The following NRG1 variants were observed in gnomAD, a reference collection of about 807,000 sequenced individuals.
The protein encoded by NRG1 is pro-neuregulin-1, membrane-bound isoform.
In NRG1, 18 loss-of-function variants were observed where a neutral mutation model predicts 63.8. The ratio of observed to expected loss-of-function variants is 0.28; its 90% confidence interval spans 0.19 to 0.42. The LOEUF is 0.42. NRG1 is among the 10% of genes least tolerant of loss of function. The pLI is 1.00. For synonymous variants in NRG1, 302 were observed against 301.3 expected (o/e 1.00, Z -0.02); for missense variants, 762 against 814.7 (o/e 0.94, Z 0.79).
intron 1 of NRG1, among the ~76,000 whole-genome samples, chr8:32,117,617 T>TA (rs1410544985): frequency 6.6e-6 from 1 of 152,134 alleles, no homozygotes; most frequent in Non-Finnish European, 1.5e-5. Flanking sequence ...CTCAGAAAGT[T>TA]ATAGCTAGTG....
chr8:32,660,660 C>T (rs561930199), intron 5 of NRG1, among the ~76,000 whole-genome samples: 2 of 152,206 alleles, frequency 1.3e-5, no homozygotes, highest in African/African-American at 2.4e-5. Context: ...CCAGCCCTGT[C>T]TCCGGCTGTG....
intron 1 of NRG1, among the ~76,000 whole-genome samples, chr8:32,003,322 T>C (rs1813247723): frequency 2.6e-5 from 4 of 152,082 alleles, no homozygotes; most frequent in African/African-American, 9.6e-5. Context: ...AACAGCACTA[T>C]CAATCAATTT....
chr8:32,725,097 GCTT>G (rs781382946), intron 5 of NRG1, among the ~76,000 whole-genome samples: 2 of 152,042 alleles, frequency 1.3e-5, no homozygotes, highest in Non-Finnish European at 2.9e-5. Flanking sequence ...TTATGTCACT[GCTT>G]TTTTTTATTG....
At chr8:32,523,862 C>CTAAA (rs1397437702) in intron 1 of NRG1, among the ~76,000 whole-genome samples, 52 of 152,062 alleles carry the variant, frequency 3.4e-4, no homozygotes, top group East Asian at 1.7e-3. Context: ...AACTAACTAA[C>CTAAA]TAACTAAATA....
intron 1 of NRG1, among the ~76,000 whole-genome samples, chr8:31,763,469 G>C (rs1817749298): frequency 6.6e-6 from 1 of 152,132 alleles, no homozygotes; most frequent in Admixed American, 6.5e-5. Context: ...CTCCAAAGCA[G>C]GACTTCTCTG....
At chr8:31,699,721 AT>A (rs764955757) in intron 1 of NRG1, among the ~76,000 whole-genome samples, 5 of 149,074 alleles carry the variant, frequency 3.4e-5, no homozygotes, top group Admixed American at 2.0e-4. Flanking sequence ...TAAAAAAAAA[AT>A]TTTTCACCTT....
At chr8:32,613,105 A>C (rs906004026) in intron 3 of NRG1, among the ~76,000 whole-genome samples, 5 of 151,984 alleles carry the variant, frequency 3.3e-5, no homozygotes, top group Non-Finnish European at 5.9e-5. Context: ...TCCTGAGAAA[A>C]TGATGTACCC....
intron 1 of NRG1, among the ~76,000 whole-genome samples, chr8:32,284,022 G>A (rs1853207337): frequency 6.6e-6 from 1 of 152,072 alleles, no homozygotes; most frequent in African/African-American, 2.4e-5. Context: ...TGACATAAAG[G>A]TACTAGTTCT....
At chr8:32,361,044 T>A (rs56125137) in intron 1 of NRG1, among the ~76,000 whole-genome samples, 8,565 of 152,266 alleles carry the variant, frequency 0.056, 315 homozygotes, top group Middle Eastern at 0.099. Flanking sequence ...CTGTCCGAAC[T>A]TCAATCCCCT....
At chr8:31,978,958 A>G (rs180770829) in intron 1 of NRG1, among the ~76,000 whole-genome samples, 2 of 152,272 alleles carry the variant, frequency 1.3e-5, no homozygotes, top group East Asian at 1.9e-4. Flanking sequence ...TTAGTAATTA[A>G]CTGTCCTTTA....
At chr8:31,931,982 G>C (rs1834903776) in intron 1 of NRG1, among the ~76,000 whole-genome samples, 1 of 152,162 alleles carries the variant, frequency 6.6e-6, no homozygotes. Flanking sequence ...GTCAGGGAAG[G>C]CTTCAGCAAT....
At chr8:31,712,937 T>A (rs1462654561) in intron 1 of NRG1, among the ~76,000 whole-genome samples, 3 of 150,404 alleles carry the variant, frequency 2.0e-5, no homozygotes, top group Non-Finnish European at 2.9e-5. Context: ...CTATTATGAA[T>A]CAATCAATCA....
intron 1 of NRG1, among the ~76,000 whole-genome samples, chr8:32,150,800 A>G (rs769233370): frequency 7.2e-5 from 11 of 152,180 alleles, no homozygotes; most frequent in Admixed American, 6.5e-5. Context: ...AAATGTGTGT[A>G]AAGAAGTGCC....
intron 1 of NRG1, among the ~76,000 whole-genome samples, chr8:31,884,267 C>T (rs1830560996): frequency 6.6e-6 from 1 of 151,978 alleles, no homozygotes; most frequent in Non-Finnish European, 1.5e-5. Context: ...ACTTTGGGCC[C>T]TGGAGAGAGT....
chr8:32,749,854 C>G (rs1001884833), intron 7 of NRG1: 3 of 494,718 alleles, frequency 6.1e-6, no homozygotes, highest in Non-Finnish European at 7.2e-6. Context: ...ATATCCCACG[C>G]TGCTTAACCC....
chr8:32,054,834 T>A (rs1822580554), intron 1 of NRG1, among the ~76,000 whole-genome samples: 1 of 143,048 alleles, frequency 7.0e-6, no homozygotes, highest in African/African-American at 2.5e-5. Context: ...AAAGCAAGCA[T>A]TTCCCTTGAA....
chr8:32,687,837 T>G (rs1589213027), intron 5 of NRG1, among the ~76,000 whole-genome samples: 1 of 152,324 alleles, frequency 6.6e-6, no homozygotes, highest in East Asian at 1.9e-4. Flanking sequence ...AATGAAAAAC[T>G]ATTTTAAAAA....
At chr8:32,054,786 A>G (rs1417796993) in intron 1 of NRG1, among the ~76,000 whole-genome samples, 1 of 148,714 alleles carries the variant, frequency 6.7e-6, no homozygotes, top group African/African-American at 2.5e-5. Flanking sequence ...ATAATCTTCC[A>G]TCTCAGGTAT....
At chr8:31,857,776 A>G (rs1563491894) in intron 1 of NRG1, among the ~76,000 whole-genome samples, 1 of 152,252 alleles carries the variant, frequency 6.6e-6, no homozygotes, top group Non-Finnish European at 1.5e-5. Context: ...GATAAAAAGC[A>G]AATTCAAGCA....
Sources: gnomAD v4.1 joint callset for allele counts (sites outside exome capture counted in the v4.1 genomes callset) on GRCh38, gnomAD v4.1.1 for gene constraint, MANE v1.5 for transcripts, NCBI Gene and HGNC (gene_info 2026-07-23, HGNC 2026-07-21) for gene names.